DLGAP2: variants seen among roughly 807,000 people sequenced by gnomAD.
DLGAP2 encodes the protein disks large-associated protein 2.
Under a neutral mutation model 100.3 loss-of-function variants are expected in DLGAP2, and 26 were observed. That is an observed-to-expected ratio of 0.26 (90% CI 0.19 to 0.36). DLGAP2 has a LOEUF of 0.36. Among genes scored for constraint, DLGAP2 ranks in the 10% least tolerant of loss-of-function variants. The probability of loss-of-function intolerance (pLI) is 1.00; values close to 1 mark genes in which losing one functional copy is unlikely to be tolerated. For synonymous variants in DLGAP2, 886 were observed against 630.1 expected (o/e 1.41, Z -6.08); for missense variants, 1,858 against 1,453.2 (o/e 1.28, Z -4.53).
At chr8:875,161 G>C (rs560681653) in intron 1 of DLGAP2, among the ~76,000 whole-genome samples, 2 of 152,206 alleles carry the variant, frequency 1.3e-5, no homozygotes, top group Admixed American at 1.3e-4. Flanking sequence ...ATCTCCACTA[G>C]GCAGGGTAGA....
intron 3 of DLGAP2, among the ~76,000 whole-genome samples, chr8:1,439,057 C>G (rs774298822): frequency 6.6e-6 from 1 of 152,050 alleles, no homozygotes; most frequent in Non-Finnish European, 1.5e-5. Flanking sequence ...TAGAGTCAGA[C>G]GAGTGTAAAT....
intron 2 of DLGAP2, among the ~76,000 whole-genome samples, chr8:1,171,180 A>G (rs1261601858): frequency 1.3e-5 from 2 of 152,182 alleles, no homozygotes; most frequent in African/African-American, 2.4e-5. Context: ...GTTTCCATGT[A>G]GTTGAGCGGT....
chr8:1,638,235 G>C (rs566694237), intron 8 of DLGAP2, among the ~76,000 whole-genome samples: 11 of 152,252 alleles, frequency 7.2e-5, no homozygotes, highest in African/African-American at 2.6e-4. Context: ...ATGTGACTGC[G>C]TTTCAGACAG....
intron 1 of DLGAP2, among the ~76,000 whole-genome samples, chr8:748,737 C>T (rs1451910629): frequency 6.6e-6 from 1 of 152,226 alleles, no homozygotes; most frequent in Non-Finnish European, 1.5e-5. Flanking sequence ...CTGCCCGCTC[C>T]TTAGAGCCCT....
At chr8:1,293,997 C>T (rs1165057779) in intron 3 of DLGAP2, among the ~76,000 whole-genome samples, 1 of 152,200 alleles carries the variant, frequency 6.6e-6, no homozygotes, top group Admixed American at 6.5e-5. Flanking sequence ...TTCCCGGGGT[C>T]TCGGAGCCCA....
chr8:1,576,953 C>T (rs1158791983), intron 6 of DLGAP2, among the ~76,000 whole-genome samples: 1 of 152,192 alleles, frequency 6.6e-6, no homozygotes, highest in Non-Finnish European at 1.5e-5. Flanking sequence ...AAAGAGCCCA[C>T]ATCGCCAAGA....
chr8:1,466,427 C>T (rs1397446420), intron 3 of DLGAP2, among the ~76,000 whole-genome samples: 1 of 152,010 alleles, frequency 6.6e-6, no homozygotes, highest in Non-Finnish European at 1.5e-5. Flanking sequence ...ACCACGCGTG[C>T]AGTGACCCTG....
intron 1 of DLGAP2, among the ~76,000 whole-genome samples, chr8:856,196 T>C (rs1281348936): frequency 6.7e-6 from 1 of 148,562 alleles, no homozygotes; most frequent in African/African-American, 2.5e-5. Context: ...TTTTTTTTTT[T>C]TTTTTTTTTG....
chr8:920,944 T>C (rs1164753694), intron 2 of DLGAP2, among the ~76,000 whole-genome samples: 2 of 152,212 alleles, frequency 1.3e-5, no homozygotes, highest in African/African-American at 2.4e-5. Flanking sequence ...CACCCCACTT[T>C]CCCTCGTTTT....
chr8:1,291,539 G>A (rs754481095), intron 3 of DLGAP2, among the ~76,000 whole-genome samples: 2 of 152,162 alleles, frequency 1.3e-5, no homozygotes, highest in Non-Finnish European at 2.9e-5. Context: ...GGGTTTTGTG[G>A]TATATTCGAA....
intron 3 of DLGAP2, among the ~76,000 whole-genome samples, chr8:1,319,661 C>G (rs968221106): frequency 6.6e-6 from 1 of 152,112 alleles, no homozygotes; most frequent in Non-Finnish European, 1.5e-5. Flanking sequence ...GGGAGGGGCT[C>G]ATGTCAGTTA....
At chr8:1,172,426 G>T (rs1036473796) in intron 2 of DLGAP2, among the ~76,000 whole-genome samples, 4 of 151,738 alleles carry the variant, frequency 2.6e-5, no homozygotes, top group Non-Finnish European at 4.4e-5. Context: ...TCTGAATGTT[G>T]GCCTGCCTTG....
chr8:1,280,865 T>C (rs1799800787), intron 3 of DLGAP2, among the ~76,000 whole-genome samples: 1 of 152,188 alleles, frequency 6.6e-6, no homozygotes, highest in South Asian at 2.1e-4. Context: ...TATCTTCAGG[T>C]CTATCCCTGA....
At chr8:899,193 A>G (rs1216203284) in intron 1 of DLGAP2, among the ~76,000 whole-genome samples, 4 of 152,290 alleles carry the variant, frequency 2.6e-5, no homozygotes, top group East Asian at 1.9e-4. Context: ...CTGCTCCCAT[A>G]GTGCGTTCCA....
At chr8:987,661 G>T (rs1398679807) in intron 2 of DLGAP2, among the ~76,000 whole-genome samples, 1 of 152,154 alleles carries the variant, frequency 6.6e-6, no homozygotes, top group Non-Finnish European at 1.5e-5. Flanking sequence ...GAATCCTGCT[G>T]TCTTCCCCTT....
chr8:1,516,211 ATGAATGAGTGAG>A (rs1375858502), intron 4 of DLGAP2, among the ~76,000 whole-genome samples: 10 of 152,038 alleles, frequency 6.6e-5, no homozygotes, highest in African/African-American at 2.4e-4. Context: ...GAATGTGTGC[ATGAATGAGTGAG>A]TGAATGAGTG....
chr8:1,021,348 A>G (rs1028689345), intron 2 of DLGAP2, among the ~76,000 whole-genome samples: 2 of 152,190 alleles, frequency 1.3e-5, no homozygotes, highest in African/African-American at 2.4e-5. Context: ...GACCCATTTC[A>G]TTCCCTGAGG....
chr8:762,586 C>T (rs951774727), intron 1 of DLGAP2, among the ~76,000 whole-genome samples: 1 of 152,116 alleles, frequency 6.6e-6, no homozygotes, highest in Non-Finnish European at 1.5e-5. Flanking sequence ...TTCTGCTTGC[C>T]ACCTGGGCAG....
chr8:839,016 C>T (rs976782409), intron 1 of DLGAP2, among the ~76,000 whole-genome samples: 17 of 152,122 alleles, frequency 1.1e-4, no homozygotes, highest in Admixed American at 7.9e-4. Flanking sequence ...CAGGAAAAGC[C>T]ACATATGACC....
Sources: gnomAD v4.1 joint callset for allele counts (sites outside exome capture counted in the v4.1 genomes callset) on GRCh38, gnomAD v4.1.1 for gene constraint, MANE v1.5 for transcripts, NCBI Gene and HGNC (gene_info 2026-07-23, HGNC 2026-07-21) for gene names.